Variants in SPAG16 observed in about 807,000 individuals in gnomAD.
SPAG16 encodes the protein sperm-associated antigen 16 protein.
A neutral mutation model predicts 80.4 loss-of-function variants in SPAG16; 86 were observed. The ratio of observed to expected loss-of-function variants is 1.07; its 90% CI spans 0.90 to 1.28. The LOEUF (loss-of-function observed/expected upper bound fraction) is 1.28, where lower values mean the gene tolerates loss of function less well. Ranked by LOEUF, SPAG16 falls within the 50% of genes most tolerant of loss-of-function variation. The pLI, the probability that SPAG16 is intolerant of heterozygous loss-of-function variation, is 0.00. For synonymous variants in SPAG16, 294 were observed against 265.9 expected (o/e 1.11, Z -1.03); for missense variants, 870 against 765.3 (o/e 1.14, Z -1.61).
chr2:214,086,391 GT>G (rs2051755489), intron 13 of SPAG16, among the ~76,000 whole-genome samples: 2 of 152,148 alleles, frequency 1.3e-5, no homozygotes, highest in African/African-American at 4.8e-5. Context: ...GTCTGGCTCT[GT>G]GTCCCCATGC....
chr2:214,275,386 G>T (rs1401957152), intron 15 of SPAG16, among the ~76,000 whole-genome samples: 1 of 152,172 alleles, frequency 6.6e-6, no homozygotes, highest in Admixed American at 6.5e-5. Flanking sequence ...TAATTGTGAA[G>T]TTAGGGTGCC....
intron 13 of SPAG16, among the ~76,000 whole-genome samples, chr2:214,071,391 T>C (rs1374096647): frequency 6.6e-6 from 1 of 152,126 alleles, no homozygotes; most frequent in Non-Finnish European, 1.5e-5. Context: ...CTCCCTGGTA[T>C]GGCATTAAAA....
At chr2:213,767,673 A>ACACACACACACACG (rs780419673) in intron 10 of SPAG16, among the ~76,000 whole-genome samples, 2 of 151,648 alleles carry the variant, frequency 1.3e-5, no homozygotes, top group Non-Finnish European at 2.9e-5. Context: ...ACACACACAC[A>ACACACACACACACG]CACACAAAAT....
intron 14 of SPAG16, among the ~76,000 whole-genome samples, chr2:214,120,400 G>T (rs2054159203): frequency 6.6e-6 from 1 of 151,586 alleles, no homozygotes; most frequent in Admixed American, 6.6e-5. Flanking sequence ...GTTTCATTAT[G>T]TCTAGTTTGA....
intron 6 of SPAG16, among the ~76,000 whole-genome samples, chr2:213,344,812 C>G (rs546521702): frequency 3.6e-4 from 55 of 152,262 alleles, no homozygotes; most frequent in African/African-American, 1.2e-3. Flanking sequence ...CAAGTCTTTG[C>G]TATTGTGAAT....
chr2:213,997,703 G>A (rs1349236035), intron 12 of SPAG16, among the ~76,000 whole-genome samples: 2 of 152,078 alleles, frequency 1.3e-5, no homozygotes, highest in Non-Finnish European at 2.9e-5. Flanking sequence ...GAATTGTCTT[G>A]GGCCACACAT....
chr2:213,434,887 GA>G (rs1387179051), intron 9 of SPAG16, among the ~76,000 whole-genome samples: 1 of 152,168 alleles, frequency 6.6e-6, no homozygotes, highest in African/African-American at 2.4e-5. Flanking sequence ...CAACCACTAT[GA>G]AAAGCTGTAT....
chr2:214,059,187 T>G (rs1330070217), intron 13 of SPAG16, among the ~76,000 whole-genome samples: 3 of 3,142 alleles, frequency 9.5e-4, no homozygotes, highest in African/African-American at 1.5e-3. Flanking sequence ...TCTCTCTGTC[T>G]ATATATATAT....
chr2:213,720,665 T>A (rs999216048), intron 10 of SPAG16, among the ~76,000 whole-genome samples: 8 of 149,598 alleles, frequency 5.3e-5, no homozygotes, highest in African/African-American at 2.0e-4. Flanking sequence ...AGAAAAAAAA[T>A]ATTTACCTCA....
intron 15 of SPAG16, among the ~76,000 whole-genome samples, chr2:214,205,393 T>G (rs893781288): frequency 3.7e-4 from 57 of 152,226 alleles, no homozygotes; most frequent in African/African-American, 1.2e-3. Flanking sequence ...TTTTGATGCC[T>G]TGTTGTTTTT....
chr2:213,959,063 C>T (rs1310064548), intron 12 of SPAG16, among the ~76,000 whole-genome samples: 2 of 152,098 alleles, frequency 1.3e-5, no homozygotes, highest in African/African-American at 4.8e-5. Context: ...TTCCTTTTAG[C>T]TCTTTGAATA....
At chr2:213,404,184 C>A (rs917244003) in intron 9 of SPAG16, among the ~76,000 whole-genome samples, 4 of 152,172 alleles carry the variant, frequency 2.6e-5, no homozygotes, top group Non-Finnish European at 5.9e-5. Flanking sequence ...CAATGACTTT[C>A]TTCACAGAAT....
intron 11 of SPAG16, among the ~76,000 whole-genome samples, chr2:213,872,619 G>A (rs534198012): frequency 3.3e-5 from 5 of 152,012 alleles, no homozygotes; most frequent in Non-Finnish European, 7.4e-5. Context: ...AACCTCCAGT[G>A]CAATGTTGAA....
At chr2:213,687,292 C>T (rs1488199607) in intron 10 of SPAG16, among the ~76,000 whole-genome samples, 2 of 152,102 alleles carry the variant, frequency 1.3e-5, no homozygotes, top group Non-Finnish European at 2.9e-5. Context: ...AGTCATTTAT[C>T]ACTTGAATGC....
intron 11 of SPAG16, among the ~76,000 whole-genome samples, chr2:213,928,995 CTTTTCTTTTTTTTT>C (rs2078626741): frequency 2.3e-5 from 2 of 88,316 alleles, no homozygotes; most frequent in African/African-American, 9.9e-5. Context: ...CATTTCTTTT[CTTTTCTTTTTTTTT>C]TTTTTTTTTT....
At chr2:213,540,814 G>A (rs1043606493) in intron 10 of SPAG16, among the ~76,000 whole-genome samples, 8 of 152,142 alleles carry the variant, frequency 5.3e-5, no homozygotes, top group East Asian at 1.9e-4. Flanking sequence ...ACTTTTCACC[G>A]TAAATAAAAC....
intron 15 of SPAG16, among the ~76,000 whole-genome samples, chr2:214,310,167 T>TTC (rs780114454): frequency 2.5e-5 from 3 of 121,974 alleles, no homozygotes; most frequent in Non-Finnish European, 3.9e-5. Flanking sequence ...CTTTCTTTCT[T>TTC]TTTTTTTTTT....
At chr2:213,815,558 A>T (rs2072475389) in intron 10 of SPAG16, among the ~76,000 whole-genome samples, 1 of 152,124 alleles carries the variant, frequency 6.6e-6, no homozygotes, top group South Asian at 2.1e-4. Flanking sequence ...TTAGACTCCC[A>T]TGAGATTTTT....
At chr2:214,105,043 A>C (rs1664678172) in intron 13 of SPAG16, among the ~76,000 whole-genome samples, 1 of 152,100 alleles carries the variant, frequency 6.6e-6, no homozygotes, top group African/African-American at 2.4e-5. Flanking sequence ...CAATTTATCC[A>C]TTCTCTCTTT....
Sources: allele counts gnomAD v4.1 joint callset (sites outside exome capture counted in the v4.1 genomes callset), GRCh38; gene constraint gnomAD v4.1.1; transcripts MANE v1.5; gene names NCBI Gene and HGNC (gene_info 2026-07-23, HGNC 2026-07-21).